SLC4A10: variants seen among roughly 807,000 people sequenced by gnomAD.
The protein encoded by SLC4A10 is sodium-driven chloride bicarbonate exchanger.
SLC4A10 carries 42 observed loss-of-function variants against 137.7 expected under a neutral mutation model. That is an observed-to-expected ratio of 0.30 (90% confidence interval 0.24 to 0.39). The LOEUF is 0.39. Ranked by LOEUF, SLC4A10 falls within the 10% of genes least tolerant of loss-of-function variation. The pLI is 1.00. For missense variants in SLC4A10, 925 were observed against 1,355.0 expected, an observed-to-expected ratio of 0.68 and a Z score of 4.98; for synonymous variants, 474 against 464.1, an observed-to-expected ratio of 1.02 and a Z score of -0.27.
Position 161,799,842 on chromosome 2 carries a change from C to T in SLC4A10, c.131-4607C>T, listed in dbSNP as rs1023639065. Among the ~76,000 whole-genome samples the T allele has an allele frequency of 4.0e-5, 6 of 151,812 alleles. No homozygotes were observed. In the South Asian group the frequency reaches 8.3e-4, roughly 21 times the overall value. On this transcript the variant is annotated intron_variant, in intron 2 of 26. Coordinates refer to ENST00000446997, the MANE Select transcript of SLC4A10 (RefSeq NM_001178015.2). ...CTTGGAAAGAAGGCACACAGTTATGCGCACAGGAGGGGAGCCATGAAATTA... is the reference window on the plus strand; with the variant it reads ...CTTGGAAAGAAGGCACACAGTTATGTGCACAGGAGGGGAGCCATGAAATTA...
chr2:161,915,723 C>T (rs1686970755), intron 15 of SLC4A10, among the ~76,000 whole-genome samples: 1 of 152,186 alleles, frequency 6.6e-6, no homozygotes. Context: ...CACACTCATT[C>T]ACTCATGCAC....
chr2:161,654,895 T>C (rs1268936802), intron 1 of SLC4A10, among the ~76,000 whole-genome samples: 2 of 152,220 alleles, frequency 1.3e-5, no homozygotes, highest in Non-Finnish European at 2.9e-5. Context: ...CAGAATTGTT[T>C]TTCTATTTGT....
At chr2:161,904,489 G>C (rs74969799) in intron 13 of SLC4A10, among the ~76,000 whole-genome samples, 3,234 of 152,188 alleles carry the variant, frequency 0.021, 73 homozygotes, top group Middle Eastern at 0.034. Flanking sequence ...ATGTACCCGG[G>C]CCATGTTTCT....
intron 1 of SLC4A10, among the ~76,000 whole-genome samples, chr2:161,646,182 A>G (rs2036003225): frequency 6.6e-6 from 1 of 152,030 alleles, no homozygotes; most frequent in African/African-American, 2.4e-5. Flanking sequence ...TAAATTGATT[A>G]AGTTTCCATA....
At chr2:161,834,164 G>A (rs550268262) in intron 3 of SLC4A10, among the ~76,000 whole-genome samples, 5 of 152,156 alleles carry the variant, frequency 3.3e-5, no homozygotes, top group African/African-American at 4.8e-5. Context: ...TTTAATTCTT[G>A]TATAGCTAAC....
chr2:161,951,416 AT>A, intron 19 of SLC4A10, among the ~76,000 whole-genome samples: 1 of 152,320 alleles, frequency 6.6e-6, no homozygotes, highest in East Asian at 1.9e-4. Context: ...TCTTAGTTAC[AT>A]TCTGACCTTG....
chr2:161,708,936 A>T, intron 1 of SLC4A10: 1 of 1,283,534 alleles, frequency 7.8e-7, no homozygotes, highest in Non-Finnish European at 1.0e-6. Flanking sequence ...TTATTGTCAG[A>T]CTTTCCTTAG....
At chr2:161,682,778 CT>C (rs2041004241) in intron 1 of SLC4A10, among the ~76,000 whole-genome samples, 1 of 152,078 alleles carries the variant, frequency 6.6e-6, no homozygotes, top group South Asian at 2.1e-4. Context: ...ATCTCTCCCC[CT>C]CTGCCTGGTC....
chr2:161,958,925 A>G (rs2105878625), intron 21 of SLC4A10, among the ~76,000 whole-genome samples: 1 of 152,306 alleles, frequency 6.6e-6, no homozygotes, highest in South Asian at 2.1e-4. Flanking sequence ...ATGCACGAAG[A>G]TGTTCATTGT....
Position 161,950,921 on chromosome 2 carries a change from T to C in SLC4A10, c.2541+73T>C, listed in dbSNP as rs1382271166. 3 of 1,219,474 alleles carry C rather than the reference T, an allele frequency of 2.5e-6. No homozygotes were observed. In the East Asian group the frequency reaches 7.7e-5, roughly 31 times the overall value. 75.5% of individuals were successfully genotyped at this position (1,219,474 alleles called of 1,614,324 possible). ...TCAACTGATGTTCATTTGACTTCTATATTCTGTATTCATTTGCACAGTGAA... is the reference window on the plus strand; with the variant it reads ...TCAACTGATGTTCATTTGACTTCTACATTCTGTATTCATTTGCACAGTGAA... On this transcript the variant is annotated intron_variant, in intron 19 of 26. Transcript: ENST00000446997.
chr2:161,981,504 G>A (rs1018411889), intron 26 of SLC4A10, among the ~76,000 whole-genome samples: 3 of 152,188 alleles, frequency 2.0e-5, no homozygotes, highest in Admixed American at 6.5e-5. Context: ...CTCATTCTGA[G>A]TTTCTGAAAA....
chr2:161,807,695 T>A (rs1384714802), intron 3 of SLC4A10, among the ~76,000 whole-genome samples: 2 of 152,212 alleles, frequency 1.3e-5, no homozygotes, highest in East Asian at 3.8e-4. Context: ...ATTCTAAATA[T>A]CTTAGGTTCT....
intron 1 of SLC4A10, among the ~76,000 whole-genome samples, chr2:161,719,710 A>G (rs900713599): frequency 3.3e-5 from 5 of 152,098 alleles, no homozygotes; most frequent in African/African-American, 9.7e-5. Flanking sequence ...CTTTTGAGAA[A>G]TGTCTGTTCA....
intron 1 of SLC4A10, among the ~76,000 whole-genome samples, chr2:161,704,801 T>G (rs1028679803): frequency 1.3e-5 from 2 of 151,688 alleles, no homozygotes; most frequent in Non-Finnish European, 3.0e-5. Context: ...TTAATTAAAC[T>G]TTCTCTTATT....
intron 1 of SLC4A10, among the ~76,000 whole-genome samples, chr2:161,769,149 A>G (rs2051256503): frequency 6.6e-6 from 1 of 151,988 alleles, no homozygotes; most frequent in South Asian, 2.1e-4. Context: ...CGACTAACCA[A>G]ACTGTTAGAG....
chr2:161,789,787 G>A (rs777788321), intron 2 of SLC4A10, among the ~76,000 whole-genome samples: 4 of 152,176 alleles, frequency 2.6e-5, no homozygotes, highest in Non-Finnish European at 5.9e-5. Context: ...AGGATAAATA[G>A]GAGTTCAGGA....
intron 1 of SLC4A10, among the ~76,000 whole-genome samples, chr2:161,748,303 T>C (rs931522434): frequency 2.6e-5 from 4 of 152,188 alleles, no homozygotes; most frequent in Non-Finnish European, 5.9e-5. Flanking sequence ...TCATTTTTGC[T>C]TTCTTGCCTA....
intron 1 of SLC4A10, among the ~76,000 whole-genome samples, chr2:161,752,089 C>A (rs1483556742): frequency 2.0e-5 from 3 of 151,892 alleles, no homozygotes; most frequent in Non-Finnish European, 4.4e-5. Flanking sequence ...TTAGTATTTA[C>A]CTTTGAAAAA....
intron 8 of SLC4A10, among the ~76,000 whole-genome samples, chr2:161,874,781 C>G (rs1361910008): frequency 6.6e-6 from 1 of 152,208 alleles, no homozygotes; most frequent in African/African-American, 2.4e-5. Context: ...GCATTATAAA[C>G]TAGCTGATCT....
Sources: allele counts gnomAD v4.1 joint callset (sites outside exome capture counted in the v4.1 genomes callset), GRCh38; gene constraint gnomAD v4.1.1; transcripts MANE v1.5; gene names NCBI Gene and HGNC (gene_info 2026-07-23, HGNC 2026-07-21).